LRP1B: variants seen among roughly 807,000 people sequenced by gnomAD.
LRP1B encodes the protein low-density lipoprotein receptor-related protein 1B.
Under a neutral mutation model 556.6 loss-of-function variants are expected in LRP1B, and 217 were observed. That is an observed-to-expected ratio of 0.39 (90% CI 0.35 to 0.44). The LOEUF is 0.44. Ranked by LOEUF, LRP1B falls within the 20% of genes least tolerant of loss-of-function variation. The pLI, the probability that LRP1B is intolerant of heterozygous loss-of-function variation, is 1.00. For missense variants in LRP1B, 5,053 were observed against 5,620.8 expected (o/e 0.90, Z 3.23); for synonymous variants, 2,047 against 1,865.8 (o/e 1.10, Z -2.50).
intron 40 of LRP1B, 52 bp downstream of exon 40, chr2:140,701,669 G>A (rs1359398395): frequency 6.6e-7 from 1 of 1,525,014 alleles, no homozygotes; most frequent in Non-Finnish European, 8.9e-7. Context: ...TTAAAAATTG[G>A]AGAGAAATCA....
intron 82 of LRP1B, among the ~76,000 whole-genome samples, chr2:140,321,248 TTTTG>T (rs1416976217): frequency 1.3e-5 from 2 of 152,016 alleles, no homozygotes; most frequent in Non-Finnish European, 2.9e-5. Flanking sequence ...TTTTTTTATT[TTTTG>T]TTATTTAATA....
At chr2:141,932,667 A>T (rs564403494) in intron 1 of LRP1B, among the ~76,000 whole-genome samples, 1 of 152,192 alleles carries the variant, frequency 6.6e-6, no homozygotes, top group Non-Finnish European at 1.5e-5. Context: ...ATTTAAATAA[A>T]CTTTGATATA....
intron 86 of LRP1B, among the ~76,000 whole-genome samples, chr2:140,260,047 G>T (rs1007473810): frequency 2.0e-5 from 3 of 151,882 alleles, no homozygotes; most frequent in South Asian, 2.1e-4. Context: ...AAAGATGCAG[G>T]CAAAATGCTC....
chr2:140,277,384 G>A (rs1245621439), intron 84 of LRP1B, among the ~76,000 whole-genome samples: 7 of 151,804 alleles, frequency 4.6e-5, no homozygotes, highest in African/African-American at 9.7e-5. Context: ...TCAGGAGTTC[G>A]AGACCAGCCT....
At chr2:140,432,386 T>A (rs1347371242) in intron 66 of LRP1B, among the ~76,000 whole-genome samples, 1 of 152,232 alleles carries the variant, frequency 6.6e-6, no homozygotes, top group Non-Finnish European at 1.5e-5. Flanking sequence ...GGTGGTCTCT[T>A]CACACAACGA....
At chr2:141,093,577 A>T (rs1700223548) in intron 7 of LRP1B, among the ~76,000 whole-genome samples, 1 of 152,152 alleles carries the variant, frequency 6.6e-6, no homozygotes, top group Admixed American at 6.5e-5. Context: ...TTGGAAATTA[A>T]CTGCCTGCTG....
At chr2:142,054,680 G>A (rs2105237520) in intron 1 of LRP1B, among the ~76,000 whole-genome samples, 1 of 152,206 alleles carries the variant, frequency 6.6e-6, no homozygotes, top group African/African-American at 2.4e-5. Context: ...CTCCTACAGT[G>A]AGTGAACTCT....
rs1222596930 is a variant in LRP1B, at chr2:140,274,513, A to G, written c.13053T>C (p.Tyr4351=). Residue 4351 remains tyrosine, a synonymous_variant, in exon 85 of 91, where the codon TAT becomes TAC. Coordinates refer to ENST00000389484, the MANE Select transcript of LRP1B (RefSeq NM_018557.3). ...TGTCAACCTCACATTTTGGTCCTTC[A>G]TAGCGCGTTGGACAGACACATTCAA... ...GSVECVCPTR[Y]EGPKCEVDKC... 1 of 1,612,622 alleles carries G rather than the reference A, an allele frequency of 6.2e-7. No homozygotes were observed. Among genetic ancestry groups the G allele is most frequent in the Non-Finnish European group, 8.5e-7 (1 of 1,179,118 alleles).
In LRP1B at chr2:140,751,660, A is replaced by T. The variant is rs1573666385; in HGVS notation, c.5758+17553T>A. 2.0e-5 allele frequency among the ~76,000 whole-genome samples: 3 copies of T among 152,310 alleles called. No homozygotes were observed. The East Asian group carries it at 5.8e-4, about 29-fold the overall frequency. ...AATTCTCCTCTAAATTATTTGCCAC[A>T]TACACCTAAGACATATGTCAATACC... On this transcript the variant is annotated intron_variant, in intron 35 of 90. Transcript: ENST00000389484.
At chr2:141,332,695 C>T (rs1687699113) in intron 3 of LRP1B, among the ~76,000 whole-genome samples, 2 of 139,232 alleles carry the variant, frequency 1.4e-5, no homozygotes, top group African/African-American at 2.8e-5. Flanking sequence ...GTCACGGTGG[C>T]CTTTTTGTTT....
chr2:140,582,462 ATGTGT>A (rs1681808568), intron 43 of LRP1B, among the ~76,000 whole-genome samples: 1 of 152,164 alleles, frequency 6.6e-6, no homozygotes, highest in Non-Finnish European at 1.5e-5. Flanking sequence ...TCCAAAATTT[ATGTGT>A]TGAAACTTAA....
chr2:140,479,324 ATAAT>A (rs1466660119), intron 59 of LRP1B, among the ~76,000 whole-genome samples: 2 of 152,132 alleles, frequency 1.3e-5, no homozygotes, highest in Admixed American at 6.5e-5. Context: ...TGTATTATAA[ATAAT>A]TAAAGCTAAA....
intron 1 of LRP1B, among the ~76,000 whole-genome samples, chr2:141,883,055 T>A (rs893058679): frequency 6.6e-6 from 1 of 152,190 alleles, no homozygotes; most frequent in Admixed American, 6.5e-5. Context: ...ATTTCCAAAA[T>A]AGTGTTATGG....
At chr2:141,148,242 C>T (rs1397063858) in intron 7 of LRP1B, among the ~76,000 whole-genome samples, 1 of 152,102 alleles carries the variant, frequency 6.6e-6, no homozygotes, top group East Asian at 1.9e-4. Flanking sequence ...AATCTGGTGT[C>T]CAATGAGGTC....
At chr2:141,254,842 G>C (rs751741295) in intron 3 of LRP1B, among the ~76,000 whole-genome samples, 8 of 151,980 alleles carry the variant, frequency 5.3e-5, no homozygotes, top group Admixed American at 1.3e-4. Flanking sequence ...AGATCAATCT[G>C]TTTGGTCTCC....
chr2:140,505,201 C>T (rs936898263), intron 53 of LRP1B, among the ~76,000 whole-genome samples: 7 of 152,114 alleles, frequency 4.6e-5, no homozygotes, highest in African/African-American at 9.7e-5. Flanking sequence ...CTGAACAGTC[C>T]TAACATTTAA....
At chr2:141,981,949 C>T (rs1702054880) in intron 1 of LRP1B, among the ~76,000 whole-genome samples, 1 of 152,072 alleles carries the variant, frequency 6.6e-6, no homozygotes. Context: ...AATGGCAGAA[C>T]CTCCATTTTC....
chr2:140,381,834 C>G (rs765403897), intron 67 of LRP1B, among the ~76,000 whole-genome samples: 1 of 143,448 alleles, frequency 7.0e-6, no homozygotes, highest in Non-Finnish European at 1.5e-5. Flanking sequence ...TACACTCCAG[C>G]CTGGGCAACA....
intron 6 of LRP1B, among the ~76,000 whole-genome samples, chr2:141,203,613 A>G (rs1177817829): frequency 6.6e-6 from 1 of 152,162 alleles, no homozygotes; most frequent in African/African-American, 2.4e-5. Flanking sequence ...CCCACTGTCA[A>G]TGTTAGATTG....
Sources: allele counts gnomAD v4.1 joint callset (sites outside exome capture counted in the v4.1 genomes callset), GRCh38; gene constraint gnomAD v4.1.1; transcripts MANE v1.5; gene names NCBI Gene and HGNC (gene_info 2026-07-23, HGNC 2026-07-21).